Variants in MICU1 observed in about 807,000 individuals in gnomAD.
MICU1 encodes the protein mitochondrial calcium uptake 1.
Under a neutral mutation model 56.8 loss-of-function variants are expected in MICU1, and 45 were observed. The ratio of observed to expected loss-of-function variants is 0.79; its 90% CI spans 0.62 to 1.02. The LOEUF (loss-of-function observed/expected upper bound fraction) is 1.02, where lower values mean the gene tolerates loss of function less well. Ranked by LOEUF, MICU1 falls within the 50% of genes least tolerant of loss-of-function variation. The pLI is 0.00. For synonymous variants in MICU1, 186 were observed against 195.1 expected, an observed-to-expected ratio of 0.95 and a Z score of 0.39; for missense variants, 504 against 587.1, an observed-to-expected ratio of 0.86 and a Z score of 1.46.
intron 1 of MICU1, among the ~76,000 whole-genome samples, chr10:72,610,196 G>A (rs1420755962): frequency 6.7e-6 from 1 of 148,956 alleles, no homozygotes; most frequent in Non-Finnish European, 1.5e-5. Context: ...AGGAGTTTGA[G>A]GCTACAGTGA....
chr10:72,531,131 A>G (rs1839469468), intron 5 of MICU1, among the ~76,000 whole-genome samples: 1 of 152,182 alleles, frequency 6.6e-6, no homozygotes, highest in South Asian at 2.1e-4. Context: ...ATGGGGGCTA[A>G]GACAATAGGA....
chr10:72,415,761 G>A (rs1863963464), intron 9 of MICU1, among the ~76,000 whole-genome samples: 1 of 152,078 alleles, frequency 6.6e-6, no homozygotes, highest in Non-Finnish European at 1.5e-5. Flanking sequence ...CACTGGTTTT[G>A]TTTCCCTAAA....
chr10:72,428,872 T>G (rs1345017734), intron 8 of MICU1, among the ~76,000 whole-genome samples: 1 of 152,208 alleles, frequency 6.6e-6, no homozygotes, highest in Non-Finnish European at 1.5e-5. Flanking sequence ...ATGTTTTGTT[T>G]TCATTCCACA....
At chr10:72,462,319 G>C (rs554531049) in intron 8 of MICU1, among the ~76,000 whole-genome samples, 1 of 151,604 alleles carries the variant, frequency 6.6e-6, no homozygotes, top group Admixed American at 6.6e-5. Context: ...TCGGACTCAG[G>C]TAATACTTCC....
intron 3 of MICU1, among the ~76,000 whole-genome samples, chr10:72,553,906 G>A (rs1840097739): frequency 6.6e-6 from 1 of 152,034 alleles, no homozygotes. Flanking sequence ...CATGTAAAGA[G>A]TTCAGAATAT....
At chr10:72,540,511 C>CA (rs1007691142) in intron 4 of MICU1, among the ~76,000 whole-genome samples, 26 of 148,498 alleles carry the variant, frequency 1.8e-4, no homozygotes, top group Admixed American at 4.7e-4. Context: ...CTTGTCTCTA[C>CA]AAAAAAAAAA....
At chr10:72,587,424 A>C (rs543345091) in intron 1 of MICU1, among the ~76,000 whole-genome samples, 1 of 147,438 alleles carries the variant, frequency 6.8e-6, no homozygotes, top group African/African-American at 2.5e-5. Flanking sequence ...GAATCATGCC[A>C]CTACACCCCA....
intron 10 of MICU1, among the ~76,000 whole-genome samples, chr10:72,378,564 A>T (rs1382134266): frequency 6.6e-6 from 1 of 152,162 alleles, no homozygotes; most frequent in Non-Finnish European, 1.5e-5. Flanking sequence ...GAGCCAATTA[A>T]GCCTCTTTTC....
intron 10 of MICU1, among the ~76,000 whole-genome samples, chr10:72,390,150 G>GT (rs948290009): frequency 2.0e-5 from 3 of 151,514 alleles, no homozygotes; most frequent in Non-Finnish European, 2.9e-5. Flanking sequence ...TAAATTTGAT[G>GT]TTTTTTTCAA....
At chr10:72,500,570 C>T (rs1390055160) in intron 6 of MICU1, among the ~76,000 whole-genome samples, 1 of 151,786 alleles carries the variant, frequency 6.6e-6, no homozygotes, top group Non-Finnish European at 1.5e-5. Context: ...GATCTTCCTG[C>T]CTCAGCCTCC....
intron 10 of MICU1, among the ~76,000 whole-genome samples, chr10:72,384,757 C>T (rs979423568): frequency 6.6e-6 from 1 of 152,150 alleles, no homozygotes; most frequent in African/African-American, 2.4e-5. Context: ...TCCTTGCCTA[C>T]ATCATGAATA....
chr10:72,568,148 A>G (rs1840492534), intron 1 of MICU1, among the ~76,000 whole-genome samples: 1 of 151,880 alleles, frequency 6.6e-6, no homozygotes, highest in Non-Finnish European at 1.5e-5. Context: ...TTTATTAAAT[A>G]TTTTTCACAC....
intron 2 of MICU1, 84 bp downstream of exon 2, chr10:72,566,549 C>T (rs1174045543): frequency 1.5e-6 from 2 of 1,361,430 alleles, no homozygotes; most frequent in Non-Finnish European, 2.0e-6. Flanking sequence ...CAGAGTTAAG[C>T]CAGAAATCAA....
At chr10:72,468,392 AG>A (rs1183860955) in intron 8 of MICU1, among the ~76,000 whole-genome samples, 1 of 150,524 alleles carries the variant, frequency 6.6e-6, no homozygotes, top group Admixed American at 6.6e-5. Context: ...AATACCTTTC[AG>A]TTTTGACTGA....
At chr10:72,552,808 C>A (rs535520786) in intron 3 of MICU1, among the ~76,000 whole-genome samples, 1 of 152,306 alleles carries the variant, frequency 6.6e-6, no homozygotes, top group Non-Finnish European at 1.5e-5. Flanking sequence ...CCTGCCTGGG[C>A]CTCCCAAAGT....
At chr10:72,495,763 C>T (rs1866820964) in intron 6 of MICU1, among the ~76,000 whole-genome samples, 1 of 151,564 alleles carries the variant, frequency 6.6e-6, no homozygotes, top group Non-Finnish European at 1.5e-5. Flanking sequence ...CTAAGTTTGG[C>T]ATTCACCCAA....
At chr10:72,371,258 G>A (rs1026508886) in intron 11 of MICU1, among the ~76,000 whole-genome samples, 4 of 151,582 alleles carry the variant, frequency 2.6e-5, no homozygotes, top group Non-Finnish European at 5.9e-5. Flanking sequence ...GTGGTGGCGG[G>A]TGCCTGTAGT....
intron 8 of MICU1, among the ~76,000 whole-genome samples, chr10:72,431,090 G>A (rs373725599): frequency 9.8e-6 from 1 of 101,954 alleles, no homozygotes; most frequent in African/African-American, 3.9e-5. Flanking sequence ...ACCTTTATCT[G>A]TCTGTCTATC....
chr10:72,372,783 A>C (rs1862388990), intron 11 of MICU1, among the ~76,000 whole-genome samples: 1 of 152,086 alleles, frequency 6.6e-6, no homozygotes, highest in African/African-American at 2.4e-5. Context: ...CAGAGGCTGC[A>C]GTGAGCCGAG....
Sources: gnomAD v4.1 joint callset for allele counts (sites outside exome capture counted in the v4.1 genomes callset) on GRCh38, gnomAD v4.1.1 for gene constraint, MANE v1.5 for transcripts, NCBI Gene and HGNC (gene_info 2026-07-23, HGNC 2026-07-21) for gene names.